CADPS2: variants seen among roughly 807,000 people sequenced by gnomAD.
The protein encoded by CADPS2 is calcium dependent secretion activator 2.
Under a neutral mutation model 172.5 loss-of-function variants are expected in CADPS2, and 93 were observed. That is an observed-to-expected ratio of 0.54 (90% CI 0.46 to 0.64). The LOEUF (loss-of-function observed/expected upper bound fraction) is 0.64. Among genes scored for constraint, CADPS2 ranks in the 30% least tolerant of loss-of-function variants. The pLI, the probability that CADPS2 is intolerant of heterozygous loss-of-function variation, is 0.00. For synonymous variants in CADPS2, 546 were observed against 555.2 expected (o/e 0.98, Z 0.23); for missense variants, 1,420 against 1,565.9 (o/e 0.91, Z 1.57).
chr7:122,340,892 G>C (rs1173727646), intron 28 of CADPS2, among the ~76,000 whole-genome samples: 1 of 149,910 alleles, frequency 6.7e-6, no homozygotes, highest in Non-Finnish European at 1.5e-5. Context: ...GTGTAAGAGA[G>C]AGAACCTCAA....
At chr7:122,531,407 C>T (rs565881535) in intron 8 of CADPS2, among the ~76,000 whole-genome samples, 1 of 152,308 alleles carries the variant, frequency 6.6e-6, no homozygotes, top group South Asian at 2.1e-4. Context: ...CAAGATTCTC[C>T]TTCCTAAAAC....
At chr7:122,422,483 T>G (rs2048639994) in intron 17 of CADPS2, among the ~76,000 whole-genome samples, 1 of 152,146 alleles carries the variant, frequency 6.6e-6, no homozygotes, top group South Asian at 2.1e-4. Flanking sequence ...AAGGAGATAG[T>G]GATTGATCCC....
At chr7:122,646,309 G>C (rs1190713575) in intron 3 of CADPS2, among the ~76,000 whole-genome samples, 4 of 152,000 alleles carry the variant, frequency 2.6e-5, no homozygotes, top group Admixed American at 2.6e-4. Context: ...ATATTTATTT[G>C]ATGTTTAAGT....
chr7:122,351,402 A>T (rs978515688), intron 27 of CADPS2, among the ~76,000 whole-genome samples: 1 of 145,708 alleles, frequency 6.9e-6, no homozygotes, highest in African/African-American at 2.5e-5. Flanking sequence ...AAAAAAAAAA[A>T]ATTCCAAACT....
At chr7:122,392,058 G>T (rs921173669) in intron 22 of CADPS2, among the ~76,000 whole-genome samples, 9 of 152,104 alleles carry the variant, frequency 5.9e-5, no homozygotes, top group African/African-American at 2.2e-4. Flanking sequence ...ACTTGGCACT[G>T]TACTGGAAAC....
Position 122,477,762 on chromosome 7 carries a change from T to C in CADPS2, c.1861+3090A>G, listed in dbSNP as rs2056871709. On this transcript the variant is annotated intron_variant, in intron 12 of 29. Transcript: ENST00000449022. ...CAATACAGATGCAAATTAGCAAATC[T>C]GTCATCTCACGTAGCTACTTTTTTT... Among the ~76,000 whole-genome samples the C allele has an allele frequency of 2.0e-5, 3 of 152,186 alleles. No individual in the cohort carries two copies. The South Asian group carries it at 6.2e-4, about 32-fold the overall frequency.
intron 7 of CADPS2, among the ~76,000 whole-genome samples, chr7:122,558,233 T>C (rs933377276): frequency 3.3e-5 from 5 of 152,140 alleles, no homozygotes; most frequent in African/African-American, 1.2e-4. Context: ...TCCACTTCAA[T>C]AGGACTCAGT....
intron 7 of CADPS2, among the ~76,000 whole-genome samples, chr7:122,575,188 A>G (rs79028065): frequency 6.6e-6 from 1 of 151,544 alleles, no homozygotes. Flanking sequence ...TAAAAAAAAA[A>G]GGTGGTGGGA....
At chr7:122,498,589 T>C (rs2058948018) in intron 9 of CADPS2, among the ~76,000 whole-genome samples, 1 of 152,078 alleles carries the variant, frequency 6.6e-6, no homozygotes, top group Admixed American at 6.6e-5. Context: ...CAATATTCCA[T>C]CATTAATTAC....
At chr7:122,357,556 GCA>G (rs1350817902) in intron 27 of CADPS2, 4 of 152,070 alleles carry the variant, frequency 2.6e-5, no homozygotes, top group Non-Finnish European at 5.9e-5. Context: ...TTTGACAAAT[GCA>G]CAGTGTCATG....
At chr7:122,558,023 T>C (rs2065250186) in intron 7 of CADPS2, among the ~76,000 whole-genome samples, 2 of 152,182 alleles carry the variant, frequency 1.3e-5, no homozygotes, top group South Asian at 2.1e-4. Context: ...TAAATCACCA[T>C]GTGGAAGAAA....
chr7:122,450,814 C>T (rs958951280), intron 15 of CADPS2, among the ~76,000 whole-genome samples: 11 of 152,058 alleles, frequency 7.2e-5, no homozygotes, highest in African/African-American at 2.7e-4. Context: ...GGATTACAGG[C>T]ATGAGACTCT....
At chr7:122,687,871 A>C (rs927285435) in intron 2 of CADPS2, among the ~76,000 whole-genome samples, 1 of 152,242 alleles carries the variant, frequency 6.6e-6, no homozygotes, top group African/African-American at 2.4e-5. Flanking sequence ...TTAATAAATC[A>C]CAAGTTAGTA....
intron 5 of CADPS2, among the ~76,000 whole-genome samples, chr7:122,619,800 T>G (rs966444586): frequency 6.6e-6 from 1 of 152,194 alleles, no homozygotes; most frequent in East Asian, 1.9e-4. Context: ...TAACATGCTA[T>G]GTAGTTTCAA....
intron 2 of CADPS2, chr7:122,702,313 C>T (rs1400334672): frequency 6.2e-7 from 1 of 1,613,808 alleles, no homozygotes; most frequent in Non-Finnish European, 8.5e-7. Flanking sequence ...TATTTTCCGT[C>T]CCCTGGTGAG....
At position 122,601,916 on chromosome 7, in the gene CADPS2, C is replaced by T. The variant is rs368543202; in HGVS notation, c.1223+13265G>A. On this transcript the variant is annotated intron_variant, in intron 6 of 29. Coordinates refer to ENST00000449022, the MANE Select transcript of CADPS2 (RefSeq NM_017954.11). ...AGGAGATTTAAGTCTCCCTTTTAAACGGGAAGGCTTAGAAATTATGATTTT... is the reference window on the plus strand; with the variant it reads ...AGGAGATTTAAGTCTCCCTTTTAAATGGGAAGGCTTAGAAATTATGATTTT... Among the ~76,000 whole-genome samples, 21 of 152,024 alleles carry T rather than the reference C, an allele frequency of 1.4e-4. No individual in the cohort carries two copies. The East Asian group carries it at 2.3e-3, about 17-fold the overall frequency.
At chr7:122,505,032 C>T (rs2059506960) in intron 9 of CADPS2, among the ~76,000 whole-genome samples, 1 of 152,266 alleles carries the variant, frequency 6.6e-6, no homozygotes, top group South Asian at 2.1e-4. Context: ...TGGACATTAT[C>T]TTAATTATAC....
At chr7:122,429,515 G>A (rs2049606417) in intron 17 of CADPS2, among the ~76,000 whole-genome samples, 2 of 151,882 alleles carry the variant, frequency 1.3e-5, no homozygotes. Context: ...TCATCAACAG[G>A]TGACTTAGAA....
At chr7:122,806,460 A>G (rs1021260019) in intron 1 of CADPS2, among the ~76,000 whole-genome samples, 1 of 152,232 alleles carries the variant, frequency 6.6e-6, no homozygotes, top group African/African-American at 2.4e-5. Context: ...TTACTTCACT[A>G]TATTGGCATG....
Sources: gnomAD v4.1 joint callset for allele counts (sites outside exome capture counted in the v4.1 genomes callset) on GRCh38, gnomAD v4.1.1 for gene constraint, MANE v1.5 for transcripts, NCBI Gene and HGNC (gene_info 2026-07-23, HGNC 2026-07-21) for gene names.